The following SLC5A11 variants were observed in gnomAD, a reference collection of about 807,000 sequenced individuals.
The protein encoded by SLC5A11 is sodium/myo-inositol cotransporter 2.
SLC5A11 carries 48 observed loss-of-function variants against 69.8 expected under a neutral mutation model. The ratio of observed to expected loss-of-function variants is 0.69; its 90% confidence interval spans 0.55 to 0.87. SLC5A11 has a LOEUF of 0.87. SLC5A11 is among the 40% of genes least tolerant of loss of function. The probability of loss-of-function intolerance (pLI) is 0.00; values close to 1 mark genes in which losing one functional copy is unlikely to be tolerated. For synonymous variants in SLC5A11, 319 were observed against 342.4 expected (o/e 0.93, Z 0.75); for missense variants, 784 against 866.1 (o/e 0.91, Z 1.19).
At chr16:24,875,753 G>T (rs779552928) in intron 6 of SLC5A11, 22 bp downstream of exon 7, 4 of 1,585,014 alleles carry the variant, frequency 2.5e-6, no homozygotes, top group Admixed American at 1.7e-5. Context: ...ACACAGCCTG[G>T]CCTCACCCAT....
chr16:24,869,547 C>T (rs1355705057), intron 3 of SLC5A11, among the ~76,000 whole-genome samples: 1 of 152,202 alleles, frequency 6.6e-6, no homozygotes, highest in Non-Finnish European at 1.5e-5. Flanking sequence ...CATCATGAAT[C>T]ACTTTCTACA....
At chr16:24,860,695 A>G (rs1019980053) in intron 2 of SLC5A11, among the ~76,000 whole-genome samples, 3 of 151,970 alleles carry the variant, frequency 2.0e-5, no homozygotes, top group Non-Finnish European at 4.4e-5. Flanking sequence ...ATAATATCTC[A>G]AAGTTTTTTT....
chr16:24,849,537 A>C (rs1228639685), intron 1 of SLC5A11, among the ~76,000 whole-genome samples: 1 of 140,644 alleles, frequency 7.1e-6, no homozygotes, highest in Non-Finnish European at 1.5e-5. Flanking sequence ...ACTGCACTCC[A>C]GCCTGGGTAA....
chr16:24,907,002 C>T lies in SLC5A11; in HGVS notation c.1115-23C>T, dbSNP rs1382378079. ...GCTTTGGCAGAAAAGGACCGAGGCC[C>T]ATGACCTCCCTTCCGCCCCCAGGGC... is the stretch of plus-strand genomic sequence containing the variant. On this transcript the variant is annotated intron_variant, in intron 11 of 15. Transcript: ENST00000347898. 8.7e-6 allele frequency: 14 copies of T among 1,610,658 alleles called. No homozygotes were observed. In the Admixed American group the frequency reaches 2.3e-4, roughly 27 times the overall value.
At chr16:24,852,697 GA>G (rs1271167207) in intron 1 of SLC5A11, among the ~76,000 whole-genome samples, 1 of 152,204 alleles carries the variant, frequency 6.6e-6, no homozygotes, top group Non-Finnish European at 1.5e-5. Flanking sequence ...GGACTGAGAT[GA>G]AAACCCAGAG....
chr16:24,860,480 C>T (rs974809812), intron 2 of SLC5A11, among the ~76,000 whole-genome samples: 3 of 151,664 alleles, frequency 2.0e-5, no homozygotes, highest in Middle Eastern at 3.2e-3. Context: ...TAAATAAACT[C>T]TGTACACTGT....
intron 8 of SLC5A11, among the ~76,000 whole-genome samples, chr16:24,889,042 C>T (rs910972140): frequency 6.6e-6 from 1 of 151,902 alleles, no homozygotes; most frequent in Non-Finnish European, 1.5e-5. Flanking sequence ...GGTGATGCAC[C>T]CGCGTTGGCC....
chr16:24,883,121 T>C (rs1374179528), intron 7 of SLC5A11, among the ~76,000 whole-genome samples: 1 of 152,172 alleles, frequency 6.6e-6, no homozygotes, highest in African/African-American at 2.4e-5. Flanking sequence ...TCCCAGCACC[T>C]TGGGAGGCCG....
chr16:24,897,487 C>T (rs1367668214), intron 9 of SLC5A11, among the ~76,000 whole-genome samples: 1 of 152,134 alleles, frequency 6.6e-6, no homozygotes, highest in Non-Finnish European at 1.5e-5. Flanking sequence ...TTTCTTCAAA[C>T]AGAAGCTTGG....
In SLC5A11 at chr16:24,905,640, G is replaced by GCGCGCGCA. The variant is rs1443035551; in HGVS notation, c.1007-1016_1007-1015insGCGCGCAC. On this transcript the variant is annotated intron_variant, in intron 10 of 15. Transcript: ENST00000347898. ...CCATCTCAAAAACACGCGCGCGCGC[G>GCGCGCGCA]CACACACACACACACACACACACAC... Among the ~76,000 whole-genome samples the GCGCGCGCA allele has an allele frequency of 8.5e-3, 1,166 of 136,708 alleles. 10 individuals carry two copies. The highest frequency in any genetic ancestry group is 0.031 in the South Asian group (125 of 4,070). The allele number at this position is 136,708 out of a possible 152,430, so 89.7% of individuals were successfully genotyped here.
intron 7 of SLC5A11, among the ~76,000 whole-genome samples, chr16:24,880,586 G>C (rs1029100712): frequency 6.6e-6 from 1 of 151,950 alleles, no homozygotes; most frequent in Non-Finnish European, 1.5e-5. Context: ...TGCCCGCTTC[G>C]GCCTCCCAAA....
chr16:24,846,921 G>A (rs1448975297), intron 1 of SLC5A11, among the ~76,000 whole-genome samples: 2 of 152,212 alleles, frequency 1.3e-5, no homozygotes, highest in Non-Finnish European at 2.9e-5. Context: ...GACACGTGCA[G>A]AGAACTTTAC....
chr16:24,907,847 C>G, intron 12 of SLC5A11, 116 bp from the exon 14 acceptor site: 1 of 1,388,170 alleles, frequency 7.2e-7, no homozygotes, highest in Non-Finnish European at 9.9e-7. Context: ...GCTCTCACCA[C>G]TGCACCCCGG....
intron 4 of SLC5A11, among the ~76,000 whole-genome samples, 161 bp downstream of exon 5, chr16:24,870,166 G>T (rs570401815): frequency 2.0e-4 from 30 of 152,148 alleles, no homozygotes; most frequent in African/African-American, 7.0e-4. Context: ...GCCAAGGCAG[G>T]TGGATCACCT....
chr16:24,891,065 C>A lies in SLC5A11; in HGVS notation c.861C>A (p.Cys287Ter), dbSNP rs1205400073. ...CCATCCCATCCCTCTGGTACTGGTG[C>A]ACGGATCAGGTACAGGACAGTGGCC... is the stretch of plus-strand genomic sequence containing the variant. Residue 287 changes from cysteine to a stop codon, truncating the protein, a stop_gained, in exon 9 of 16, where the codon TGC becomes TGA. Transcript: ENST00000347898. LOFTEE classifies it high-confidence loss of function. 1.2e-6 allele frequency: 2 copies of A among 1,614,018 alleles called. No homozygotes were observed. The highest frequency in any genetic ancestry group is 2.2e-5 in the South Asian group (2 of 91,062).
intron 10 of SLC5A11, among the ~76,000 whole-genome samples, chr16:24,905,635 C>CGCGT (rs2049987102): frequency 1.3e-5 from 1 of 77,130 alleles, no homozygotes; most frequent in South Asian, 3.6e-4. Flanking sequence ...AACACGCGCG[C>CGCGT]GCGCGCACAC....
chr16:24,886,001 G>A (rs2048371761), intron 8 of SLC5A11, among the ~76,000 whole-genome samples: 1 of 149,150 alleles, frequency 6.7e-6, no homozygotes, highest in African/African-American at 2.4e-5. Context: ...AAACGCTAAA[G>A]AAAATCAAAC....
At chr16:24,873,712 A>T in intron 5 of SLC5A11, among the ~76,000 whole-genome samples, 1 of 151,894 alleles carries the variant, frequency 6.6e-6, no homozygotes, top group Non-Finnish European at 1.5e-5. Context: ...TTTCCTATTA[A>T]GTAATTACTC....
chr16:24,855,476 C>G (rs562101825), intron 1 of SLC5A11, among the ~76,000 whole-genome samples: 17 of 150,636 alleles, frequency 1.1e-4, no homozygotes, highest in Non-Finnish European at 1.2e-4. Flanking sequence ...GGTGGTGCAT[C>G]TATAGTGCCA....
Sources: allele counts gnomAD v4.1 joint callset (sites outside exome capture counted in the v4.1 genomes callset), GRCh38; gene constraint gnomAD v4.1.1; transcripts MANE v1.5; gene names NCBI Gene and HGNC (gene_info 2026-07-23, HGNC 2026-07-21).